Variants in ALOX5 observed in about 807,000 individuals in gnomAD.
ALOX5 encodes the protein polyunsaturated fatty acid 5-lipoxygenase.
Under a neutral mutation model 87.9 loss-of-function variants are expected in ALOX5, and 64 were observed. That is an observed-to-expected ratio of 0.73 (90% confidence interval 0.60 to 0.90). The LOEUF is 0.90. ALOX5 is among the 40% of genes least tolerant of loss of function. The pLI, the probability that ALOX5 is intolerant of heterozygous loss-of-function variation, is 0.00. For synonymous variants in ALOX5, 388 were observed against 355.1 expected (o/e 1.09, Z -1.04); for missense variants, 822 against 907.5 (o/e 0.91, Z 1.21).
At position 45,393,725 on chromosome 10, in the gene ALOX5, C is replaced by A. The variant is rs11499087; in HGVS notation, c.350-2130C>A. Among the ~76,000 whole-genome samples the A allele has an allele frequency of 2.0e-5, 3 of 152,284 alleles. No individual in the cohort carries two copies. In the East Asian group the frequency reaches 5.8e-4, roughly 29 times the overall value. On this transcript the variant is annotated intron_variant, in intron 2 of 13. Transcript: ENST00000374391. ...AAACCCCATTGTCTCAGCCCAAAAT[C>A]TCCTTAAAGCTGATAGGCAACTTCA...
chr10:45,402,602 T>C (rs1840740562), intron 3 of ALOX5, among the ~76,000 whole-genome samples: 1 of 152,176 alleles, frequency 6.6e-6, no homozygotes, highest in African/African-American at 2.4e-5. Flanking sequence ...AGACTACAGG[T>C]GATTATTCTT....
chr10:45,391,807 C>T (rs1301702750), intron 2 of ALOX5, among the ~76,000 whole-genome samples: 2 of 151,180 alleles, frequency 1.3e-5, no homozygotes, highest in Non-Finnish European at 3.0e-5. Context: ...AGTGAGGAGA[C>T]CCTCCGCCCG....
chr10:45,389,206 T>C (rs1840112571), intron 2 of ALOX5, among the ~76,000 whole-genome samples: 1 of 152,006 alleles, frequency 6.6e-6, no homozygotes, highest in African/African-American at 2.4e-5. Flanking sequence ...AAAGACCAAA[T>C]CTACATCTGA....
chr10:45,388,819 G>C (rs990854545), intron 2 of ALOX5, among the ~76,000 whole-genome samples: 1 of 152,240 alleles, frequency 6.6e-6, no homozygotes, highest in Non-Finnish European at 1.5e-5. Context: ...CTCCTCGCGA[G>C]TGGTGGAACA....
At chr10:45,387,882 G>A (rs1840060423) in intron 2 of ALOX5, among the ~76,000 whole-genome samples, 1 of 152,234 alleles carries the variant, frequency 6.6e-6, no homozygotes, top group Non-Finnish European at 1.5e-5. Flanking sequence ...GAGCAATGCA[G>A]AAGATGGGTG....
chr10:45,389,719 G>C (rs1269770963), intron 2 of ALOX5, among the ~76,000 whole-genome samples: 1 of 150,710 alleles, frequency 6.6e-6, no homozygotes, highest in African/African-American at 2.4e-5. Flanking sequence ...TGAACAACTG[G>C]TACCAGCCAC....
At chr10:45,376,311 A>G (rs1454714881) in intron 1 of ALOX5, among the ~76,000 whole-genome samples, 5 of 63,650 alleles carry the variant, frequency 7.9e-5, no homozygotes, top group Admixed American at 2.6e-4. Context: ...TTGGGTTGAG[A>G]GGGCTATAAG....
At chr10:45,418,092 G>C (rs1231976499) in intron 4 of ALOX5, among the ~76,000 whole-genome samples, 1 of 152,228 alleles carries the variant, frequency 6.6e-6, no homozygotes, top group Non-Finnish European at 1.5e-5. Flanking sequence ...GGCCCAGCAG[G>C]CTGGACAGTA....
intron 2 of ALOX5, among the ~76,000 whole-genome samples, chr10:45,395,123 T>G (rs2132715462): frequency 6.6e-6 from 1 of 152,340 alleles, no homozygotes; most frequent in African/African-American, 2.4e-5. Flanking sequence ...CCCAAAGGAT[T>G]ATAAATCATG....
At chr10:45,393,195 A>T (rs891140353) in intron 2 of ALOX5, among the ~76,000 whole-genome samples, 1 of 152,214 alleles carries the variant, frequency 6.6e-6, no homozygotes, top group African/African-American at 2.4e-5. Context: ...ATCGATGCAA[A>T]AATCCTCAAT....
intron 13 of ALOX5, chr10:45,444,507 C>G: frequency 5.5e-6 from 3 of 548,688 alleles, no homozygotes; most frequent in South Asian, 6.5e-5. Flanking sequence ...ACAGCCCAGG[C>G]TTTGCTCACT....
At position 45,395,937 on chromosome 10, in the gene ALOX5, G is replaced by A. The variant is rs1453431268; in HGVS notation, c.431+1G>A. ...TGGAAACACGGCAAAAACAATATCG[G>A]TGAGTTATGACATCAGATCGAGTGG... is the stretch of plus-strand genomic sequence containing the variant. On this transcript the variant is annotated splice_donor_variant, in intron 3 of 13. Coordinates refer to ENST00000374391, the MANE Select transcript of ALOX5 (RefSeq NM_000698.5). LOFTEE classifies it high-confidence loss of function. The A allele has an allele frequency of 2.5e-6, 4 of 1,614,156 alleles. No individual in the cohort carries two copies. In the Admixed American group the frequency reaches 5.0e-5, roughly 20 times the overall value.
rs867381730 is a variant in ALOX5 at position 45,374,400 on chromosome 10, C to T, written c.121C>T (p.Pro41Ser). Residue 41 changes from proline (P) to serine (S), a missense_variant, in exon 1 of 14, where the codon CCC becomes TCC. Physicochemically the swap from Pro to Ser is moderately conservative, Grantham distance 74. Coordinates refer to ENST00000374391, the MANE Select transcript of ALOX5 (RefSeq NM_000698.5). ...GCSEKHLLDK[P>S]FYNDFERGAV... ...CAGCGAGAAGCACCTGCTGGACAAGCCCTTCTACAACGACTTCGAGCGTGG... is the reference window on the plus strand; with the variant it reads ...CAGCGAGAAGCACCTGCTGGACAAGTCCTTCTACAACGACTTCGAGCGTGG... 1 of 1,565,756 alleles carries T rather than the reference C, an allele frequency of 6.4e-7. No homozygotes were observed. Among genetic ancestry groups the T allele is most frequent in the Non-Finnish European group, 8.6e-7 (1 of 1,160,274 alleles).
chr10:45,430,625 G>A (rs1341985029), intron 7 of ALOX5, among the ~76,000 whole-genome samples: 9 of 149,282 alleles, frequency 6.0e-5, no homozygotes, highest in South Asian at 4.3e-4. Context: ...TCAAGACCCC[G>A]TCTCTTAAAA....
At chr10:45,383,338 A>G (rs1839906398) in intron 2 of ALOX5, among the ~76,000 whole-genome samples, 1 of 152,298 alleles carries the variant, frequency 6.6e-6, no homozygotes, top group Non-Finnish European at 1.5e-5. Flanking sequence ...GACCTGGTAC[A>G]GAGCATCAGA....
At position 45,382,635 on chromosome 10, in the gene ALOX5, C is replaced by T. The variant is rs768693967; in HGVS notation, c.303C>T (p.Tyr101=). 5 of 1,613,916 alleles carry T rather than the reference C, an allele frequency of 3.1e-6. No individual in the cohort carries two copies. In the African/African-American group the frequency reaches 6.7e-5, roughly 22 times the overall value. The stretch of plus-strand genomic sequence containing the variant: ...GGGACTACATCGAGTTCCCCTGCTA[C>T]CGCTGGATCACCGGCGATGTCGAGG... ...PHGDYIEFPC[Y]RWITGDVEVV... The change falls in exon 2 of 14, where the codon TAC becomes TAT. Residue 101 remains tyrosine, a synonymous_variant. Coordinates refer to ENST00000374391, the MANE Select transcript of ALOX5 (RefSeq NM_000698.5).
intron 5 of ALOX5, among the ~76,000 whole-genome samples, chr10:45,424,680 C>T (rs565560188): frequency 6.6e-5 from 10 of 152,246 alleles, no homozygotes; most frequent in South Asian, 2.1e-4. Context: ...CTCTCCTCCA[C>T]GCCCTCCTTC....
rs538258150 is a variant in ALOX5 at position 45,391,888 on chromosome 10, G to A, written c.350-3967G>A. Among the ~76,000 whole-genome samples the A allele has an allele frequency of 2.8e-3, 312 of 109,478 alleles. 2 individuals are homozygous for A. Among genetic ancestry groups the A allele is most frequent in the African/African-American group, 9.2e-3 (293 of 31,832 alleles). The allele number at this position is 109,478 out of a possible 152,430, so 71.8% of individuals were successfully genotyped here. A position where few individuals can be genotyped will look rare whatever the true frequency, so the allele number is the denominator to read the frequency against. On this transcript the variant is annotated intron_variant, in intron 2 of 13. Coordinates refer to ENST00000374391, the MANE Select transcript of ALOX5 (RefSeq NM_000698.5). The stretch of plus-strand genomic sequence containing the variant: ...TGAGGAGCCCCTCCGCCCGGCAGCC[G>A]CCCCTTCTGAGAAGTGAGGAGCCCC...
At chr10:45,426,417 A>C (rs55729342) in intron 6 of ALOX5, among the ~76,000 whole-genome samples, 9,417 of 152,204 alleles carry the variant, frequency 0.062, 740 homozygotes, top group African/African-American at 0.19. Context: ...TGCCCCGTCT[A>C]ATACACACCA....
Sources: gnomAD v4.1 joint callset for allele counts (sites outside exome capture counted in the v4.1 genomes callset) on GRCh38, gnomAD v4.1.1 for gene constraint, MANE v1.5 for transcripts, NCBI Gene and HGNC (gene_info 2026-07-23, HGNC 2026-07-21) for gene names.